Variants in MYH10 observed in about 807,000 individuals in gnomAD.
The protein encoded by MYH10 is myosin heavy chain 10, also known as myosin-10.
MYH10 carries 55 observed loss-of-function variants against 257.8 expected under a neutral mutation model. That is an observed-to-expected ratio of 0.21 (90% CI 0.17 to 0.27). The LOEUF (loss-of-function observed/expected upper bound fraction) is 0.27, where lower values mean the gene tolerates loss of function less well. Ranked by LOEUF, MYH10 falls within the 10% of genes least tolerant of loss-of-function variation. The probability of loss-of-function intolerance (pLI) is 1.00; values close to 1 mark genes in which losing one functional copy is unlikely to be tolerated. For missense variants in MYH10, 1,631 were observed against 2,500.6 expected, an observed-to-expected ratio of 0.65 and a Z score of 7.42; for synonymous variants, 854 against 921.7, an observed-to-expected ratio of 0.93 and a Z score of 1.33.
intron 1 of MYH10, among the ~76,000 whole-genome samples, chr17:8,623,659 G>C (rs2085560085): frequency 1.3e-5 from 2 of 150,356 alleles, no homozygotes; most frequent in Admixed American, 1.3e-4. Flanking sequence ...GGTTCATGAA[G>C]TGGTACCAGA....
At chr17:8,619,791 T>G (rs1343837895) in intron 2 of MYH10, among the ~76,000 whole-genome samples, 1 of 152,026 alleles carries the variant, frequency 6.6e-6, no homozygotes, top group African/African-American at 2.4e-5. Flanking sequence ...CTGGGTGTGG[T>G]GGCTCGAGCC....
chr17:8,524,372 C>T (rs765122286), intron 17 of MYH10, among the ~76,000 whole-genome samples: 11 of 139,624 alleles, frequency 7.9e-5, no homozygotes, highest in African/African-American at 2.9e-4. Flanking sequence ...ATTGCCTGAA[C>T]TCAGGAAGCG....
At chr17:8,529,347 C>T (rs1409284119) in intron 17 of MYH10, among the ~76,000 whole-genome samples, 1 of 152,198 alleles carries the variant, frequency 6.6e-6, no homozygotes. Context: ...GAGCTCACAG[C>T]CTGAAATTCT....
chr17:8,564,835 G>A (rs758410633), intron 7 of MYH10, among the ~76,000 whole-genome samples: 11 of 152,178 alleles, frequency 7.2e-5, no homozygotes, highest in Admixed American at 6.5e-4. Flanking sequence ...CTTGTGATAG[G>A]TGCCATGAGG....
At position 8,475,145 on chromosome 17, in the gene MYH10, CAT is replaced by C. The variant is rs1359025881; in HGVS notation, c.*657_*658del. On this transcript the variant is annotated 3_prime_UTR_variant, in exon 43 of 43. Coordinates refer to ENST00000360416, the MANE Select transcript of MYH10 (RefSeq NM_001256012.3). ...ACCAGCCCTCGCCAAGGCCAGTTCA[CAT>C]GAGTAGATGCGGGACACCATCGACT... 6.5e-6 allele frequency: 1 copy of C among 152,736 alleles called. No homozygotes were observed. Among genetic ancestry groups the C allele is most frequent in the African/African-American group, 2.4e-5 (1 of 41,472 alleles). The allele number at this position is 152,736 out of a possible 1,614,324, so 9.5% of individuals were successfully genotyped here.
At chr17:8,591,758 G>A (rs2084150112) in intron 3 of MYH10, among the ~76,000 whole-genome samples, 1 of 151,818 alleles carries the variant, frequency 6.6e-6, no homozygotes, top group Non-Finnish European at 1.5e-5. Context: ...ATTCCCCCAC[G>A]CTTCTTGCTA....
intron 7 of MYH10, among the ~76,000 whole-genome samples, chr17:8,567,121 T>A (rs2083188449): frequency 6.6e-6 from 1 of 152,186 alleles, no homozygotes; most frequent in Admixed American, 6.5e-5. Context: ...TTTCCTGTGA[T>A]ATAGCCACTA....
chr17:8,481,339 G>A lies in MYH10; in HGVS notation c.5247C>T (p.Thr1749=). 1 of 1,614,022 alleles carries A rather than the reference G, an allele frequency of 6.2e-7. No individual in the cohort carries two copies. The highest frequency in any genetic ancestry group is 1.3e-5 in the African/African-American group (1 of 75,072). The change falls in exon 38 of 43, where the codon ACC becomes ACT. Residue 1749 remains threonine (T), a synonymous_variant. Transcript: ENST00000360416. ...QERDELADEI[T]NSASGKSALL... ...AGACTCACTTGCCAGAGGCGCTGTT[G>A]GTGATCTCGTCCGCCAGCTCATCTC...
intron 34 of MYH10, 84 bp downstream of exon 34, chr17:8,492,213 G>A (rs1040428032): frequency 2.2e-6 from 3 of 1,361,014 alleles, no homozygotes; most frequent in Non-Finnish European, 3.0e-6. Context: ...AGGCTCCCCT[G>A]AGGAGTCGCC....
chr17:8,559,561 C>T (rs2082918664), intron 7 of MYH10, among the ~76,000 whole-genome samples: 1 of 151,994 alleles, frequency 6.6e-6, no homozygotes, highest in Non-Finnish European at 1.5e-5. Flanking sequence ...GACAAAACAG[C>T]AAACTATTTC....
chr17:8,569,046 TA>T lies in MYH10; in HGVS notation c.756+673del, dbSNP rs372543566. Among the ~76,000 whole-genome samples, 120 of 139,334 alleles carry T rather than the reference TA, an allele frequency of 8.6e-4. No homozygotes were observed. Among genetic ancestry groups the T allele is most frequent in the Middle Eastern group, 3.6e-3 (1 of 278 alleles). 91.4% of individuals were successfully genotyped at this position (139,334 alleles called of 152,430 possible). On this transcript the variant is annotated intron_variant, in intron 7 of 42. Coordinates refer to ENST00000360416, the MANE Select transcript of MYH10 (RefSeq NM_001256012.3). The surrounding 1 kb of genome is among the most constrained non-coding windows in gnomAD (Gnocchi z 4.1). The stretch of plus-strand genomic sequence containing the variant: ...GACAACATAGTGAGACCCTAGTCTC[TA>T]AAAAAAAAAAAGTTACTCTTTTAAA...
chr17:8,629,710 T>A (rs1313007081), intron 1 of MYH10, among the ~76,000 whole-genome samples: 1 of 152,074 alleles, frequency 6.6e-6, no homozygotes, highest in Non-Finnish European at 1.5e-5. Context: ...CCAGCTCGCT[T>A]ACACAATAAA....
At chr17:8,481,434 G>A in intron 37 of MYH10, 24 bp from the exon 38 acceptor site, 1 of 1,608,672 alleles carries the variant, frequency 6.2e-7, no homozygotes, top group African/African-American at 1.3e-5. Context: ...ACTGCGTTAA[G>A]CTCTGGCTGT....
intron 3 of MYH10, among the ~76,000 whole-genome samples, chr17:8,602,442 T>C (rs905120704): frequency 2.0e-5 from 3 of 152,220 alleles, no homozygotes; most frequent in African/African-American, 7.2e-5. Context: ...ACATTTGTAA[T>C]TGAAGACCTA....
intron 2 of MYH10, among the ~76,000 whole-genome samples, chr17:8,612,866 A>G (rs541267400): frequency 1.3e-5 from 2 of 152,270 alleles, no homozygotes; most frequent in East Asian, 3.9e-4. Flanking sequence ...AAAAAAAAAA[A>G]AAATTATCAT....
Position 8,552,580 on chromosome 17 carries a change from A to G in MYH10, c.821-436T>C, listed in dbSNP as rs1326718274. Among the ~76,000 whole-genome samples the G allele has an allele frequency of 6.6e-6, 1 of 152,246 alleles. No homozygotes were observed. The highest frequency in any genetic ancestry group is 2.4e-5 in the African/African-American group (1 of 41,464). On this transcript the variant is annotated intron_variant, in intron 8 of 42. Transcript: ENST00000360416. This position sits in a 1 kb window ranked among gnomAD's most constrained non-coding sequence, Gnocchi z 4.8. ...AAGGAAGCCATGGTATAAGGAAATT[A>G]GTCAAAATAATATAGTTAATAAGTG...
intron 7 of MYH10, among the ~76,000 whole-genome samples, chr17:8,557,349 T>C (rs4791321): frequency 0.41 from 61,715 of 151,886 alleles, 12,516 homozygotes; most frequent in East Asian, 0.5. Flanking sequence ...TGAAAGGGAA[T>C]GTGTGTGGGG....
At chr17:8,571,940 A>T (rs2083358963) in intron 6 of MYH10, among the ~76,000 whole-genome samples, 1 of 100,726 alleles carries the variant, frequency 9.9e-6, no homozygotes, top group South Asian at 3.4e-4. Context: ...TTTTTTTTTA[A>T]ACCTAATTCA....
chr17:8,528,252 C>CT (rs980642911), intron 17 of MYH10, among the ~76,000 whole-genome samples: 1 of 152,178 alleles, frequency 6.6e-6, no homozygotes, highest in African/African-American at 2.4e-5. Context: ...TGGATCAGGT[C>CT]TAAAGCCTTT....
Sources: allele counts gnomAD v4.1 joint callset (sites outside exome capture counted in the v4.1 genomes callset), GRCh38; gene constraint gnomAD v4.1.1; non-coding constraint Gnocchi (gnomAD v3.1); transcripts MANE v1.5; gene names NCBI Gene and HGNC (gene_info 2026-07-23, HGNC 2026-07-21).